Variants in ZNF614 observed in about 807,000 individuals in gnomAD.
ZNF614 encodes zinc finger protein 614.
A neutral mutation model predicts 12.8 loss-of-function variants in ZNF614; 11 were observed. The observed-to-expected ratio is 0.86, with a 90% confidence interval of 0.54 to 1.43. The LOEUF is 1.43. ZNF614 is among the 40% of genes most tolerant of loss of function. The pLI is 0.00. For missense variants in ZNF614, 664 were observed against 708.8 expected, an observed-to-expected ratio of 0.94 and a Z score of 0.72; for synonymous variants, 237 against 237.5, an observed-to-expected ratio of 1.00 and a Z score of 0.02.
rs755187686 is a variant in ZNF614 at position 52,025,900 on chromosome 19, CCTT to C, written c.-158_-156del. The C allele has an allele frequency of 1.7e-4, 118 of 705,048 alleles. No individual in the cohort carries two copies. The highest frequency in any genetic ancestry group is 2.4e-4 in the Non-Finnish European group (102 of 422,290). 43.7% of individuals were successfully genotyped at this position (705,048 alleles called of 1,614,324 possible). A position where few individuals can be genotyped will look rare whatever the true frequency, so the allele number is the denominator to read the frequency against. On this transcript the variant is annotated 5_prime_UTR_variant, in exon 2 of 5. Transcript: ENST00000270649. ...TTATGATATCCAAGGCCAGCAACCT[CCTT>C]CTTCTTCCTTCATTGCTTCACTTGA...
chr19:52,018,448 T>C lies in ZNF614; in HGVS notation c.62A>G (p.Glu21Gly). The change falls in exon 3 of 5, where the codon GAG becomes GGG. Residue 21 changes from glutamate to glycine, a missense_variant. By Grantham distance (98) the Glu-to-Gly change is moderately conservative. Transcript: ENST00000270649. The stretch of plus-strand genomic sequence containing the variant: ...CTGAGCAGTGTCCAGGAGCTGCCAC[T>C]CCTCCCAGCTGAATTCCACAGCCAC... ...EDVAVEFSWEEWQLLDTAQKN... is the reference protein window; with the variant it reads ...EDVAVEFSWEGWQLLDTAQKN... The C allele has an allele frequency of 6.2e-7, 1 of 1,614,094 alleles. No individual in the cohort carries two copies. The highest frequency in any genetic ancestry group is 2.2e-5 in the East Asian group (1 of 44,878).
rs1478031819 is a variant in ZNF614, at chr19:52,016,360, G to C, written c.1238C>G (p.Thr413Ser). The change falls in exon 5 of 5, where the codon ACT (threonine) becomes AGT (serine). Residue 413 changes from threonine to serine, a missense_variant. Transcript: ENST00000270649. ...ECGKGFTVKR[T>S]LVIHQRTHTG... ...ATGAGTTCGCTGATGTATAACGAGAGTGCGTTTGACAGTGAAGCCTTTTCC... is the reference window on the plus strand; with the variant it reads ...ATGAGTTCGCTGATGTATAACGAGACTGCGTTTGACAGTGAAGCCTTTTCC... 1.9e-6 allele frequency: 3 copies of C among 1,611,764 alleles called. No individual in the cohort carries two copies. In the South Asian group the frequency reaches 3.3e-5, roughly 18 times the overall value.
intron 1 of ZNF614, 32 bp from the exon 2 acceptor site, chr19:52,025,993 A>AG (rs2086969526): frequency 6.1e-6 from 3 of 493,094 alleles, no homozygotes; most frequent in Admixed American, 3.7e-5. Flanking sequence ...AGTGTACATT[A>AG]ACCCTGGGTC....
intron 2 of ZNF614, among the ~76,000 whole-genome samples, chr19:52,025,065 C>T (rs540136754): frequency 4.6e-5 from 7 of 152,176 alleles, no homozygotes; most frequent in African/African-American, 9.6e-5. Context: ...GCCAAGACTG[C>T]GCCACTGCAC....
rs376376236 is a variant in ZNF614, at chr19:52,021,913, A to G, written c.16-3419T>C. On this transcript the variant is annotated intron_variant, in intron 2 of 4. Coordinates refer to ENST00000270649, the MANE Select transcript of ZNF614 (RefSeq NM_025040.4). The stretch of plus-strand genomic sequence containing the variant: ...TATCCAGTCAAGATAAACAATTATA[A>G]ATCAGTAAGACCACAAAAAAATTAA... Among the ~76,000 whole-genome samples the G allele has an allele frequency of 3.3e-5, 5 of 152,330 alleles. No homozygotes were observed. In the East Asian group the frequency reaches 7.7e-4, roughly 23 times the overall value.
At chr19:52,018,829 T>G (rs1158746330) in intron 2 of ZNF614, among the ~76,000 whole-genome samples, 2 of 152,216 alleles carry the variant, frequency 1.3e-5, no homozygotes, top group East Asian at 3.8e-4. Flanking sequence ...TATATCTGTA[T>G]AAAGCACAAA....
At chr19:52,024,474 G>A (rs1280811975) in intron 2 of ZNF614, among the ~76,000 whole-genome samples, 1 of 152,176 alleles carries the variant, frequency 6.6e-6, no homozygotes, top group African/African-American at 2.4e-5. Flanking sequence ...CACATATCTG[G>A]TGTCAGATGT....
intron 4 of ZNF614, 132 bp from the exon 5 acceptor site, chr19:52,017,491 C>T (rs1191071059): frequency 2.5e-6 from 2 of 809,684 alleles, no homozygotes; most frequent in Non-Finnish European, 3.8e-6. Context: ...ATCACGAGGT[C>T]AGGAGTTCAA....
chr19:52,015,811 G>C lies in ZNF614; in HGVS notation c.*29C>G. The C allele has an allele frequency of 6.4e-7, 1 of 1,565,874 alleles. No homozygotes were observed. The highest frequency in any genetic ancestry group is 8.6e-7 in the Non-Finnish European group (1 of 1,156,438). ...CACAAAAGGCATTTCCATAGTCACG[G>C]CACTAGTAGGGTTTTCTTCTGCATG... On this transcript the variant is annotated 3_prime_UTR_variant, in exon 5 of 5. Transcript: ENST00000270649.
rs547023159 is a variant in ZNF614 at position 52,013,403 on chromosome 19, C to G, written c.*2437G>C. On this transcript the variant is annotated 3_prime_UTR_variant, in exon 5 of 5. Transcript: ENST00000270649. ...TATATCTCATAGGTGAATGGATAAA[C>G]TACTACATCAAATATGTATACTACT... The G allele has an allele frequency of 4.2e-6, 1 of 235,316 alleles. No individual in the cohort carries two copies. Among genetic ancestry groups the G allele is most frequent in the Non-Finnish European group, 8.6e-6 (1 of 116,678 alleles). 14.6% of individuals were successfully genotyped at this position (235,316 alleles called of 1,614,324 possible).
intron 2 of ZNF614, among the ~76,000 whole-genome samples, chr19:52,024,879 C>G (rs2086960800): frequency 6.6e-6 from 1 of 152,144 alleles, no homozygotes; most frequent in Admixed American, 6.5e-5. Flanking sequence ...AAAGACCTGA[C>G]CGTCCCCCAG....
At chr19:52,026,310 C>T (rs2086972060) in intron 1 of ZNF614, among the ~76,000 whole-genome samples, 1 of 152,182 alleles carries the variant, frequency 6.6e-6, no homozygotes, top group African/African-American at 2.4e-5. Context: ...AATTCTTCTG[C>T]CTTGAGATGC....
In ZNF614 at chr19:52,016,338, A is replaced by C. The variant is rs755239334; in HGVS notation, c.1260T>G (p.Thr420=). The change falls in exon 5 of 5, where the codon ACT becomes ACG. Residue 420 remains threonine (T), a synonymous_variant. Transcript: ENST00000270649. ...ATATGTAAGATTTCTCTCCTGTATG[A>C]GTTCGCTGATGTATAACGAGAGTGC... ...VKRTLVIHQR[T]HTGEKSYICN... The C allele has an allele frequency of 2.2e-5, 35 of 1,610,388 alleles. No individual in the cohort carries two copies. The highest frequency in any genetic ancestry group is 2.8e-5 in the Non-Finnish European group (33 of 1,177,448).
chr19:52,019,294 TAAATC>T (rs980072336), intron 2 of ZNF614, among the ~76,000 whole-genome samples: 3 of 152,076 alleles, frequency 2.0e-5, no homozygotes, highest in African/African-American at 7.2e-5. Flanking sequence ...AGAAAAAAGA[TAAATC>T]ATAACAAAGA....
At chr19:52,019,022 C>T (rs2086918313) in intron 2 of ZNF614, among the ~76,000 whole-genome samples, 1 of 152,100 alleles carries the variant, frequency 6.6e-6, no homozygotes, top group Non-Finnish European at 1.5e-5. Flanking sequence ...GTGGATGCTA[C>T]TACCAATTTT....
rs2086901851 is a variant in ZNF614, at chr19:52,016,873, C to G, written c.725G>C (p.Arg242Thr). 3 of 1,614,112 alleles carry G rather than the reference C, an allele frequency of 1.9e-6. No individual in the cohort carries two copies. The highest frequency in any genetic ancestry group is 2.5e-6 in the Non-Finnish European group (3 of 1,180,004). ...PGSGQCEKLS[R>T]SVLFTKHLKT... ...CAGATGCTTAGTGAACAGGACACTT[C>G]TGGATAATTTCTCACATTGACCACT... Residue 242 changes from arginine (R) to threonine (T), a missense_variant, in exon 5 of 5, where the codon AGA becomes ACA. Physicochemically the swap from Arg to Thr is moderately conservative, Grantham distance 71. Transcript: ENST00000270649.
chr19:52,026,712 G>C (rs140978395), intron 1 of ZNF614, among the ~76,000 whole-genome samples: 1 of 152,160 alleles, frequency 6.6e-6, no homozygotes, highest in Non-Finnish European at 1.5e-5. Context: ...TCTCCTCCTC[G>C]TCCCTGGGAA....
chr19:52,017,745 G>A, intron 4 of ZNF614: 1 of 388,590 alleles, frequency 2.6e-6, no homozygotes, highest in Non-Finnish European at 4.5e-6. Context: ...ATTTGCTGGG[G>A]GCTGGCTCTT....
chr19:52,020,739 A>G (rs2086928264), intron 2 of ZNF614, among the ~76,000 whole-genome samples: 1 of 152,206 alleles, frequency 6.6e-6, no homozygotes, highest in Non-Finnish European at 1.5e-5. Flanking sequence ...TCATTGCCAT[A>G]AATTATCTAG....
Sources: gnomAD v4.1 joint callset for allele counts (sites outside exome capture counted in the v4.1 genomes callset) on GRCh38, gnomAD v4.1.1 for gene constraint, MANE v1.5 for transcripts, NCBI Gene and HGNC (gene_info 2026-07-23, HGNC 2026-07-21) for gene names.